Variants in NBEAL2 observed in about 807,000 individuals in gnomAD.
The protein encoded by NBEAL2 is neurobeachin like 2.
In NBEAL2, 160 loss-of-function variants were observed where a neutral mutation model predicts 299.8. The ratio of observed to expected loss-of-function variants is 0.53; its 90% confidence interval spans 0.47 to 0.61. The LOEUF is 0.61. Among genes scored for constraint, NBEAL2 ranks in the 20% least tolerant of loss-of-function variants. The pLI, the probability that NBEAL2 is intolerant of heterozygous loss-of-function variation, is 0.00. For synonymous variants in NBEAL2, 1,493 were observed against 1,542.3 expected (o/e 0.97, Z 0.75); for missense variants, 3,112 against 3,649.0 (o/e 0.85, Z 3.79).
chr3:46,998,376 G>A, intron 21 of NBEAL2, 87 bp from the exon 22 acceptor site: 1 of 1,519,490 alleles, frequency 6.6e-7, no homozygotes, highest in Non-Finnish European at 9.0e-7. Context: ...TGCCCTGGAA[G>A]TCTGACAGGC....
At position 47,004,069 on chromosome 3, in the gene NBEAL2, C is replaced by T. The variant is rs1212256441; in HGVS notation, c.5882-8C>T. The stretch of plus-strand genomic sequence containing the variant: ...AGTGACTCCCGTACCTGCTGTTCCT[C>T]CCCATAGGCATCGGCTATGATTTCC... On this transcript the variant is annotated splice_polypyrimidine_tract_variant and splice_region_variant and intron_variant, in intron 36 of 53. Coordinates refer to ENST00000450053, the MANE Select transcript of NBEAL2 (RefSeq NM_015175.3). The surrounding 1 kb of genome is among the most constrained non-coding windows in gnomAD (Gnocchi z 5.0). 3 of 1,610,904 alleles carry T rather than the reference C, an allele frequency of 1.9e-6. No individual in the cohort carries two copies. The African/African-American group carries it at 4.0e-5, about 22-fold the overall frequency.
Position 46,988,926 on chromosome 3 carries a change from G to T in NBEAL2, c.225G>T (p.Leu75=). Residue 75 remains leucine (L), a synonymous_variant, in exon 3 of 54, where the codon CTG becomes CTT. Coordinates refer to ENST00000450053, the MANE Select transcript of NBEAL2 (RefSeq NM_015175.3). This position sits in a 1 kb window ranked among gnomAD's most constrained non-coding sequence, Gnocchi z 4.4. ...CCGAACAGCTGCACCAGGCTGACCT[G>T]GAGCAAGCCCTCCTGCTGCTCAAGC... The part of the protein sequence containing the change: ...VLAEQLHQAD[L]EQALLLLKLF... The T allele has an allele frequency of 6.2e-7, 1 of 1,613,120 alleles. No individual in the cohort carries two copies.
chr3:46,988,139 G>A lies in NBEAL2; in HGVS notation c.52-530G>A, dbSNP rs939212497. The A allele has an allele frequency of 6.3e-5, 68 of 1,076,112 alleles. 1 individual carries two copies. Among genetic ancestry groups the A allele is most frequent in the Non-Finnish European group, 7.5e-5 (63 of 843,724 alleles). 66.7% of individuals were successfully genotyped at this position (1,076,112 alleles called of 1,614,324 possible). On this transcript the variant is annotated intron_variant, in intron 1 of 53. Transcript: ENST00000450053. The surrounding 1 kb of genome is among the most constrained non-coding windows in gnomAD (Gnocchi z 4.4). ...GGCAGGGCCGCACATGAGGATGTGC[G>A]CATGTCTGGGTCTGCCTGTCTAATG... is the stretch of plus-strand genomic sequence containing the variant.
In NBEAL2 at chr3:46,994,006, T is replaced by TC. The variant is rs1259251993; in HGVS notation, c.1188dup (p.Ser397LeufsTer7). 1.2e-6 allele frequency: 2 copies of TC among 1,610,594 alleles called. No homozygotes were observed. The highest frequency in any genetic ancestry group is 1.7e-6 in the Non-Finnish European group (2 of 1,178,720). On this transcript the variant is annotated frameshift_variant, in exon 11 of 54. Transcript: ENST00000450053. LOFTEE classifies it high-confidence loss of function. ...AGTGCTGACCTGCATCATGAGTGAC[T>TC]CCCCCTCGGCCAAGGTGAGGCTGCT...
Position 47,003,048 on chromosome 3 carries a change from C to T in NBEAL2, c.5551C>T (p.His1851Tyr). 6.2e-7 allele frequency: 1 copy of T among 1,612,834 alleles called. No homozygotes were observed. Among genetic ancestry groups the T allele is most frequent in the Non-Finnish European group, 8.5e-7 (1 of 1,179,510 alleles). The change falls in exon 34 of 54, where the codon CAC becomes TAC. Residue 1851 changes from histidine to tyrosine, a missense_variant. Physicochemically the swap from His to Tyr is moderately conservative, Grantham distance 83 (BLOSUM62 2). Around this residue, in one of 3 missense-constraint regions of NBEAL2, gnomAD observed 2,243 missense variants for 2,538.1 expected, o/e 0.88. Coordinates refer to ENST00000450053, the MANE Select transcript of NBEAL2 (RefSeq NM_015175.3). The surrounding 1 kb of genome is among the most constrained non-coding windows in gnomAD (Gnocchi z 7.0). ...GGTGCCCAACCATCACTTCGACCCT[C>T]ACCTGGAAGCCAGCGCTCTCCGAGA... ...KLVPNHHFDP[H>Y]LEASALRDNL...
At position 46,999,710 on chromosome 3, in the gene NBEAL2, C is replaced by T. The variant is rs899415404; in HGVS notation, c.3784C>T (p.Arg1262Cys). The T allele has an allele frequency of 1.1e-5, 18 of 1,613,024 alleles. No individual in the cohort carries two copies. Among genetic ancestry groups the T allele is most frequent in the African/African-American group, 2.7e-5 (2 of 74,928 alleles). ...ADLSVRLDIC[R>C]QLFHLIYGQP... Reference sequence around the variant, plus strand: ...CCTCAGCGTTCGCCTAGACATCTGTCGCCAGGTGAGCATGAGAGGTAAAAG... The same window carrying T: ...CCTCAGCGTTCGCCTAGACATCTGTTGCCAGGTGAGCATGAGAGGTAAAAG... The change falls in exon 26 of 54, where the codon CGC becomes TGC. Residue 1262 changes from arginine to cysteine, a missense_variant. Arg to Cys is a radical substitution (Grantham distance 180). Coordinates refer to ENST00000450053, the MANE Select transcript of NBEAL2 (RefSeq NM_015175.3).
At chr3:47,007,462 CCT>C (rs1337840758) in intron 47 of NBEAL2, 61 bp from the exon 48 acceptor site, 6 of 1,567,764 alleles carry the variant, frequency 3.8e-6, no homozygotes, top group Non-Finnish European at 5.2e-6. Flanking sequence ...GGCCAGGCTC[CCT>C]GAGGGCCTGG....
Position 47,008,156 on chromosome 3 carries a change from T to G in NBEAL2, c.7689T>G (p.Thr2563=). Residue 2563 remains threonine (T), a synonymous_variant, in exon 50 of 54, where the codon ACT becomes ACG. Coordinates refer to ENST00000450053, the MANE Select transcript of NBEAL2 (RefSeq NM_015175.3). The part of the protein sequence containing the change: ...GAAVSCVAIS[T]ELDMAVSGSE... ...CAGTGAGCTGTGTGGCCATCAGCACTGAACTTGACATGGCTGTGTCTGGAT... is the reference window on the plus strand; with the variant it reads ...CAGTGAGCTGTGTGGCCATCAGCACGGAACTTGACATGGCTGTGTCTGGAT... The G allele has an allele frequency of 6.2e-7, 1 of 1,614,004 alleles. No homozygotes were observed. Among genetic ancestry groups the G allele is most frequent in the South Asian group, 1.1e-5 (1 of 91,078 alleles).
In NBEAL2 at chr3:46,988,900, G is replaced by A. The variant is rs1400676572; in HGVS notation, c.199G>A (p.Ala67Thr). The A allele has an allele frequency of 6.2e-7, 1 of 1,612,726 alleles. No individual in the cohort carries two copies. Among genetic ancestry groups the A allele is most frequent in the Non-Finnish European group, 8.5e-7 (1 of 1,179,186 alleles). Residue 67 changes from alanine to threonine, a missense_variant, in exon 3 of 54, where the codon GCC (alanine) becomes ACC (threonine). By Grantham distance (58) the Ala-to-Thr change is moderately conservative. Around this residue, in one of 3 missense-constraint regions of NBEAL2, gnomAD observed 2,243 missense variants for 2,538.1 expected, o/e 0.88. Coordinates refer to ENST00000450053, the MANE Select transcript of NBEAL2 (RefSeq NM_015175.3). The surrounding 1 kb of genome is among the most constrained non-coding windows in gnomAD (Gnocchi z 4.4). ...ACCACTGGATGAGCTGCATGTGCTG[G>A]CCGAACAGCTGCACCAGGCTGACCT... Reference protein sequence around the residue: ...LLPLDELHVLAEQLHQADLEQ... With the variant: ...LLPLDELHVLTEQLHQADLEQ...
chr3:46,980,001 C>A, intron 1 of NBEAL2, 89 bp downstream of exon 1: 1 of 119,700 alleles, frequency 8.4e-6, no homozygotes, highest in Non-Finnish European at 1.7e-5. Context: ...GCGCCCCGCG[C>A]CGCTGGGGCC....
In NBEAL2 at chr3:46,995,857, A is replaced by G. The variant is rs371263611; in HGVS notation, c.2031+11A>G. ...GCCGACTCTGCCTGGGTGAGACCCC[A>G]TCCTTCTCATGTGGCCCAGTAGAGA... On this transcript the variant is annotated intron_variant, in intron 14 of 53. Coordinates refer to ENST00000450053, the MANE Select transcript of NBEAL2 (RefSeq NM_015175.3). The G allele has an allele frequency of 2.5e-6, 4 of 1,613,674 alleles. No individual in the cohort carries two copies. The East Asian group carries it at 6.7e-5, about 27-fold the overall frequency.
In NBEAL2 at chr3:47,005,214, T is replaced by A. The variant is rs1281995525; in HGVS notation, c.6453T>A (p.Ile2151=). The A allele has an allele frequency of 6.2e-7, 1 of 1,613,728 alleles. No individual in the cohort carries two copies. The highest frequency in any genetic ancestry group is 8.5e-7 in the Non-Finnish European group (1 of 1,179,874). ...GCTTTGAGGACCCAGCAGGGACCATTGACAAGTTCCACTATGGCACCCACT... is the reference window on the plus strand; with the variant it reads ...GCTTTGAGGACCCAGCAGGGACCATAGACAAGTTCCACTATGGCACCCACT... ...YESFEDPAGT[I]DKFHYGTHYS... The change falls in exon 40 of 54, where the codon ATT becomes ATA. Residue 2151 remains isoleucine, a synonymous_variant. Transcript: ENST00000450053.
chr3:46,996,909 C>CT, intron 17 of NBEAL2, 45 bp from the exon 18 acceptor site: 1 of 1,609,562 alleles, frequency 6.2e-7, no homozygotes, highest in Non-Finnish European at 8.5e-7. Flanking sequence ...CTGCCACCCC[C>CT]TCCTCCCTCT....
rs1202741492 is a variant in NBEAL2 at position 46,982,146 on chromosome 3, A to G, written c.51+2234A>G. On this transcript the variant is annotated intron_variant, in intron 1 of 53. Coordinates refer to ENST00000450053, the MANE Select transcript of NBEAL2 (RefSeq NM_015175.3). The surrounding 1 kb of genome is among the most constrained non-coding windows in gnomAD (Gnocchi z 4.2). ...CCTGACCCTGATCCTGGAACCCCCA[A>G]TCCAGGGAGGAGTAGGCTATGCAAC... The G allele has an allele frequency of 6.6e-6, 1 of 152,042 alleles. No individual in the cohort carries two copies. Among genetic ancestry groups the G allele is most frequent in the Non-Finnish European group, 1.5e-5 (1 of 67,998 alleles). 9.4% of individuals were successfully genotyped at this position (152,042 alleles called of 1,614,324 possible). A position where few individuals can be genotyped will look rare whatever the true frequency, so the allele number is the denominator to read the frequency against.
intron 1 of NBEAL2, among the ~76,000 whole-genome samples, chr3:46,980,642 C>A (rs1257032755): frequency 6.6e-6 from 1 of 152,154 alleles, no homozygotes; most frequent in African/African-American, 2.4e-5. Flanking sequence ...GCCCGTTCCT[C>A]CTGAGCTCCC....
intron 41 of NBEAL2, 27 bp downstream of exon 41, chr3:47,005,646 C>T (rs970463709): frequency 6.2e-6 from 10 of 1,613,076 alleles, no homozygotes; most frequent in South Asian, 2.2e-5. Context: ...CACACTGGAG[C>T]GGGCAGGTGT....
At position 47,000,399 on chromosome 3, in the gene NBEAL2, C is replaced by G; in HGVS notation, c.4300C>G (p.Pro1434Ala). 6.4e-7 allele frequency: 1 copy of G among 1,568,956 alleles called. No homozygotes were observed. Among genetic ancestry groups the G allele is most frequent in the Non-Finnish European group, 8.7e-7 (1 of 1,154,568 alleles). Reference sequence around the variant, plus strand: ...GGATGATACCTCGAACACCAGCAACCCACAGGTGAGGTGGGCCCACCCTCT... The same window carrying G: ...GGATGATACCTCGAACACCAGCAACGCACAGGTGAGGTGGGCCCACCCTCT... ...SGDDTSNTSN[P>A]QQTSEEELCN... is the part of the protein sequence containing the mutation. Residue 1434 changes from proline to alanine, a missense_variant, in exon 27 of 54, where the codon CCA becomes GCA. This residue lies in a region of NBEAL2 where 2,243 missense variants were observed against 2,538.1 expected (regional missense o/e 0.88). Coordinates refer to ENST00000450053, the MANE Select transcript of NBEAL2 (RefSeq NM_015175.3). This position sits in a 1 kb window ranked among gnomAD's most constrained non-coding sequence, Gnocchi z 4.5.
At chr3:46,986,765 T>A (rs13096025) in intron 1 of NBEAL2, among the ~76,000 whole-genome samples, 2,411 of 152,070 alleles carry the variant, frequency 0.016, 33 homozygotes, top group Middle Eastern at 0.034. Context: ...AGAACTAAGG[T>A]CTGGCTTTTA....
Position 47,001,273 on chromosome 3 carries a change from C to A in NBEAL2, c.4485-6C>A. 6.2e-7 allele frequency: 1 copy of A among 1,602,352 alleles called. No individual in the cohort carries two copies. The highest frequency in any genetic ancestry group is 8.5e-7 in the Non-Finnish European group (1 of 1,170,970). On this transcript the variant is annotated splice_region_variant and splice_polypyrimidine_tract_variant and intron_variant, in intron 28 of 53. Transcript: ENST00000450053. This position sits in a 1 kb window ranked among gnomAD's most constrained non-coding sequence, Gnocchi z 6.1. The stretch of plus-strand genomic sequence containing the variant: ...TAGACCCTTGAGTTCCCCACTCACC[C>A]GCCAGCCTCCTGGAGATGATGCTGG...
Sources: allele counts gnomAD v4.1 joint callset (sites outside exome capture counted in the v4.1 genomes callset), GRCh38; gene constraint gnomAD v4.1.1; regional missense constraint gnomAD v4.1.1; non-coding constraint Gnocchi (gnomAD v3.1); transcripts MANE v1.5; gene names NCBI Gene and HGNC (gene_info 2026-07-23, HGNC 2026-07-21).